The following ASTN2 variants were observed in gnomAD, a reference collection of about 807,000 sequenced individuals.
ASTN2 encodes astrotactin 2.
ASTN2 carries 54 observed loss-of-function variants against 139.8 expected under a neutral mutation model. The observed-to-expected ratio is 0.39, with a 90% CI of 0.31 to 0.48. The LOEUF (loss-of-function observed/expected upper bound fraction) is 0.48. Among genes scored for constraint, ASTN2 ranks in the 20% least tolerant of loss-of-function variants. ASTN2 has a pLI of 0.95. For missense variants in ASTN2, 1,565 were observed against 1,725.1 expected, an observed-to-expected ratio of 0.91 and a Z score of 1.64; for synonymous variants, 756 against 719.5, an observed-to-expected ratio of 1.05 and a Z score of -0.81.
chr9:116,823,592 C>T (rs1166065186), intron 11 of ASTN2, among the ~76,000 whole-genome samples: 1 of 152,218 alleles, frequency 6.6e-6, no homozygotes, highest in Non-Finnish European at 1.5e-5. Context: ...TGAAGCCAGG[C>T]TTCCCTTGCC....
rs1023222016 is a variant in ASTN2, at chr9:116,784,947, A to T, written c.2396+20685T>A. Among the ~76,000 whole-genome samples the T allele has an allele frequency of 4.6e-5, 7 of 152,012 alleles. No individual in the cohort carries two copies. In the South Asian group the frequency reaches 6.2e-4, roughly 14 times the overall value. On this transcript the variant is annotated intron_variant, in intron 13 of 22. Transcript: ENST00000313400. Reference sequence around the variant, plus strand: ...TCCGCCTCAAAAAAAAAAAAAAAAAAAAATAAGAGGAGCAAGAAATGGATA... The same window carrying T: ...TCCGCCTCAAAAAAAAAAAAAAAAATAAATAAGAGGAGCAAGAAATGGATA...
chr9:117,007,535 G>A (rs1031143797), intron 7 of ASTN2, among the ~76,000 whole-genome samples: 32 of 152,190 alleles, frequency 2.1e-4, no homozygotes, highest in South Asian at 4.1e-4. Context: ...CACAGTGCAT[G>A]TTTAGTGTCT....
intron 7 of ASTN2, among the ~76,000 whole-genome samples, chr9:116,988,805 T>A (rs1333539724): frequency 6.6e-6 from 1 of 152,122 alleles, no homozygotes; most frequent in South Asian, 2.1e-4. Context: ...GTAGATGAGA[T>A]CTTGCTATGT....
chr9:117,017,092 G>A (rs1193130204), intron 6 of ASTN2, among the ~76,000 whole-genome samples: 1 of 151,948 alleles, frequency 6.6e-6, no homozygotes, highest in Non-Finnish European at 1.5e-5. Flanking sequence ...TTTCAAAAAA[G>A]TATCTTTTCC....
intron 7 of ASTN2, among the ~76,000 whole-genome samples, chr9:116,978,644 T>C (rs1253193461): frequency 1.3e-5 from 2 of 152,170 alleles, no homozygotes; most frequent in Non-Finnish European, 2.9e-5. Context: ...ATGCAAATTT[T>C]ATATTTTAAT....
chr9:116,597,973 T>C (rs1477154263), intron 19 of ASTN2, among the ~76,000 whole-genome samples: 2 of 152,312 alleles, frequency 1.3e-5, no homozygotes, highest in South Asian at 2.1e-4. Flanking sequence ...AGGGCAATTA[T>C]AACAGGGCTC....
At chr9:116,670,524 A>C (rs1377664635) in intron 16 of ASTN2, among the ~76,000 whole-genome samples, 1 of 152,242 alleles carries the variant, frequency 6.6e-6, no homozygotes, top group African/African-American at 2.4e-5. Context: ...AGAATAGATA[A>C]GCAGTGACAT....
chr9:116,848,522 G>A (rs1832506576), intron 11 of ASTN2, among the ~76,000 whole-genome samples: 1 of 152,176 alleles, frequency 6.6e-6, no homozygotes, highest in Non-Finnish European at 1.5e-5. Context: ...AGCGCAGCAC[G>A]AAGAGGTGTA....
At chr9:117,272,223 C>A (rs2133126730) in intron 2 of ASTN2, among the ~76,000 whole-genome samples, 1 of 152,372 alleles carries the variant, frequency 6.6e-6, no homozygotes, top group East Asian at 1.9e-4. Flanking sequence ...AGCCTTGGGG[C>A]TTCAACCCTC....
chr9:117,377,522 A>G (rs1830154932), intron 1 of ASTN2, among the ~76,000 whole-genome samples: 1 of 152,172 alleles, frequency 6.6e-6, no homozygotes, highest in Non-Finnish European at 1.5e-5. Context: ...CTCTGAGTGT[A>G]AATTAGGATC....
chr9:117,304,318 G>C (rs1029812689), intron 1 of ASTN2, among the ~76,000 whole-genome samples: 1 of 152,156 alleles, frequency 6.6e-6, no homozygotes, highest in African/African-American at 2.4e-5. Context: ...CCTGCTCTGT[G>C]CGTGTCACGC....
At chr9:116,433,771 C>T (rs1355368570) in intron 22 of ASTN2, among the ~76,000 whole-genome samples, 3 of 152,162 alleles carry the variant, frequency 2.0e-5, no homozygotes, top group Non-Finnish European at 4.4e-5. Context: ...CCAACAAAGT[C>T]AGAAGCTCAG....
At chr9:116,676,915 A>G (rs1010758172) in intron 16 of ASTN2, among the ~76,000 whole-genome samples, 1 of 152,196 alleles carries the variant, frequency 6.6e-6, no homozygotes, top group Non-Finnish European at 1.5e-5. Context: ...GAAATTCTAA[A>G]TCTTGTAAAA....
intron 5 of ASTN2, among the ~76,000 whole-genome samples, chr9:117,060,066 T>A (rs1839194888): frequency 6.6e-6 from 1 of 152,044 alleles, no homozygotes; most frequent in Non-Finnish European, 1.5e-5. Flanking sequence ...ATCCCAGCAC[T>A]TTGCGAGGCC....
intron 17 of ASTN2, among the ~76,000 whole-genome samples, chr9:116,624,732 C>T (rs991219470): frequency 6.6e-6 from 1 of 152,086 alleles, no homozygotes; most frequent in Non-Finnish European, 1.5e-5. Flanking sequence ...TGGTTCTGGT[C>T]TGTATGACTC....
intron 10 of ASTN2, among the ~76,000 whole-genome samples, chr9:116,913,907 C>T (rs540770125): frequency 6.6e-6 from 1 of 151,418 alleles, no homozygotes; most frequent in African/African-American, 2.4e-5. Flanking sequence ...TCAGAAAATT[C>T]ACATTCACTT....
At chr9:117,100,625 C>T (rs941144140) in intron 4 of ASTN2, among the ~76,000 whole-genome samples, 3 of 152,216 alleles carry the variant, frequency 2.0e-5, no homozygotes, top group African/African-American at 4.8e-5. Flanking sequence ...TTGGAGAACA[C>T]AGTTCTAGAC....
intron 13 of ASTN2, among the ~76,000 whole-genome samples, chr9:116,752,533 C>G (rs746286790): frequency 1.3e-5 from 2 of 152,102 alleles, no homozygotes; most frequent in Non-Finnish European, 2.9e-5. Flanking sequence ...TGTTGTTGGA[C>G]TTTATTAAAA....
At chr9:116,447,301 G>C (rs576507952) in intron 20 of ASTN2, among the ~76,000 whole-genome samples, 2 of 152,140 alleles carry the variant, frequency 1.3e-5, no homozygotes, top group Non-Finnish European at 2.9e-5. Context: ...CGGTGCCCAT[G>C]CCATATGGTG....
Sources: allele counts gnomAD v4.1 joint callset (sites outside exome capture counted in the v4.1 genomes callset), GRCh38; gene constraint gnomAD v4.1.1; transcripts MANE v1.5; gene names NCBI Gene and HGNC (gene_info 2026-07-23, HGNC 2026-07-21).